Variants in MCHR2 observed in about 807,000 individuals in gnomAD.
The protein encoded by MCHR2 is melanin concentrating hormone receptor 2.
Under a neutral mutation model 24.8 loss-of-function variants are expected in MCHR2, and 15 were observed. That is an observed-to-expected ratio of 0.60 (90% CI 0.40 to 0.93). The LOEUF is 0.93. MCHR2 is among the 40% of genes least tolerant of loss of function. The pLI, the probability that MCHR2 is intolerant of heterozygous loss-of-function variation, is 0.00. For synonymous variants in MCHR2, 151 were observed against 147.6 expected (o/e 1.02, Z -0.17); for missense variants, 386 against 408.7 (o/e 0.94, Z 0.48).
At chr6:99,969,881 G>C (rs1335655876) in intron 1 of MCHR2, among the ~76,000 whole-genome samples, 2 of 151,522 alleles carry the variant, frequency 1.3e-5, no homozygotes, top group African/African-American at 4.8e-5. Flanking sequence ...TCCCTACAAA[G>C]GACATGAACT....
rs139619654 is a variant in MCHR2, at chr6:99,942,999, G to A, written c.537C>T (p.Asp179=). The A allele has an allele frequency of 4.4e-4, 702 of 1,612,820 alleles. 6 individuals are homozygous for A. The African/African-American group carries it at 7.4e-3, about 17-fold the overall frequency. ...WVYSKVIKFK[D]GVESCAFDLT... ...AATCAAAAGCACAACTCTCAACACC[G>A]TCTTTAAATTTGATGACCTTCGAGT... Residue 179 remains aspartate, a synonymous_variant, in exon 4 of 6, where the codon GAC becomes GAT. Transcript: ENST00000281806.
intron 5 of MCHR2, among the ~76,000 whole-genome samples, chr6:99,925,553 G>A (rs1774333337): frequency 6.6e-6 from 1 of 150,882 alleles, no homozygotes; most frequent in Non-Finnish European, 1.5e-5. Flanking sequence ...TTTATTTTTT[G>A]TTTATCCATT....
chr6:99,920,325 A>G lies in MCHR2; in HGVS notation c.*615T>C, dbSNP rs527590751. ...GCTCTTAGATAGCTGTTGCAGCATT[A>G]GGCCTATCATTTCTCCTTTCTGAGC... On this transcript the variant is annotated 3_prime_UTR_variant, in exon 6 of 6. Coordinates refer to ENST00000281806, the MANE Select transcript of MCHR2 (RefSeq NM_001040179.2). The G allele has an allele frequency of 6.6e-6, 1 of 152,562 alleles. No individual in the cohort carries two copies. Among genetic ancestry groups the G allele is most frequent in the Non-Finnish European group, 1.5e-5 (1 of 68,222 alleles). The allele number at this position is 152,562 out of a possible 1,614,324, so 9.5% of individuals were successfully genotyped here. A position where few individuals can be genotyped will look rare whatever the true frequency, so the allele number is the denominator to read the frequency against.
intron 4 of MCHR2, among the ~76,000 whole-genome samples, chr6:99,941,252 T>TA: frequency 6.6e-6 from 1 of 150,840 alleles, no homozygotes; most frequent in Non-Finnish European, 1.5e-5. Context: ...TTTTTTTTTT[T>TA]TTTTCACTTC....
chr6:99,993,021 C>T (rs1775914780), intron 1 of MCHR2, among the ~76,000 whole-genome samples: 1 of 152,094 alleles, frequency 6.6e-6, no homozygotes, highest in Non-Finnish European at 1.5e-5. Context: ...AGATTGCCTC[C>T]CCATTTGCGC....
At chr6:99,932,263 C>T (rs1199828028) in intron 5 of MCHR2, among the ~76,000 whole-genome samples, 2 of 152,046 alleles carry the variant, frequency 1.3e-5, no homozygotes, top group Non-Finnish European at 2.9e-5. Flanking sequence ...AATTATGACT[C>T]AATGTGTGAA....
chr6:99,932,941 T>G (rs149566755), intron 5 of MCHR2, among the ~76,000 whole-genome samples: 2 of 152,286 alleles, frequency 1.3e-5, no homozygotes, highest in Non-Finnish European at 2.9e-5. Flanking sequence ...ATGTAAGATG[T>G]TAACAATGGG....
At chr6:99,972,203 G>T (rs994646555) in intron 1 of MCHR2, among the ~76,000 whole-genome samples, 2 of 152,094 alleles carry the variant, frequency 1.3e-5, no homozygotes, top group Non-Finnish European at 2.9e-5. Context: ...GACTCTTTTT[G>T]GTTGGTAAGC....
At chr6:99,928,656 T>C (rs1226197165) in intron 5 of MCHR2, among the ~76,000 whole-genome samples, 1 of 152,206 alleles carries the variant, frequency 6.6e-6, no homozygotes, top group Non-Finnish European at 1.5e-5. Flanking sequence ...TGATGGTAGT[T>C]TGTATTTCTG....
intron 5 of MCHR2, among the ~76,000 whole-genome samples, chr6:99,923,593 A>G (rs539853447): frequency 1.3e-5 from 2 of 151,930 alleles, no homozygotes; most frequent in Non-Finnish European, 2.9e-5. Flanking sequence ...TAAGGTTTTT[A>G]TCATAAAGAG....
intron 1 of MCHR2, among the ~76,000 whole-genome samples, chr6:99,991,761 C>A (rs1163700152): frequency 1.5e-5 from 2 of 131,634 alleles, no homozygotes; most frequent in Admixed American, 9.4e-5. Context: ...GAGCAGAGAC[C>A]GCGCGACACT....
chr6:99,941,445 A>G (rs1017527378), intron 4 of MCHR2, among the ~76,000 whole-genome samples: 1 of 152,054 alleles, frequency 6.6e-6, no homozygotes, highest in Admixed American at 6.6e-5. Flanking sequence ...GTGCAGTCCT[A>G]TCTATGTTGC....
At chr6:99,950,443 T>C (rs1158557025) in intron 2 of MCHR2, among the ~76,000 whole-genome samples, 2 of 152,124 alleles carry the variant, frequency 1.3e-5, no homozygotes, top group Non-Finnish European at 2.9e-5. Flanking sequence ...AGACTTGTGA[T>C]AATTTTGGCT....
chr6:99,922,061 A>G (rs1225796978), intron 5 of MCHR2, among the ~76,000 whole-genome samples: 4 of 150,724 alleles, frequency 2.7e-5, no homozygotes, highest in Non-Finnish European at 5.9e-5. Flanking sequence ...AATCTTGGCA[A>G]TTTATATAGC....
chr6:99,969,426 A>T (rs1009811063), intron 1 of MCHR2, among the ~76,000 whole-genome samples: 3 of 141,116 alleles, frequency 2.1e-5, no homozygotes, highest in African/African-American at 8.0e-5. Flanking sequence ...GTGAGCCAAG[A>T]TCATGCCATT....
At chr6:99,974,277 C>T (rs183200371) in intron 1 of MCHR2, among the ~76,000 whole-genome samples, 1 of 152,204 alleles carries the variant, frequency 6.6e-6, no homozygotes, top group African/African-American at 2.4e-5. Context: ...TCTTTTTTCT[C>T]CAAACTTCCC....
At chr6:99,942,746 AT>A (rs1226088376) in intron 4 of MCHR2, among the ~76,000 whole-genome samples, 2 of 152,106 alleles carry the variant, frequency 1.3e-5, no homozygotes, top group Non-Finnish European at 2.9e-5. Flanking sequence ...ACATGATTGA[AT>A]TCAAAATCTT....
chr6:99,978,192 TCTTA>T (rs1422016693), intron 1 of MCHR2, among the ~76,000 whole-genome samples: 4 of 152,302 alleles, frequency 2.6e-5, no homozygotes, highest in Non-Finnish European at 5.9e-5. Flanking sequence ...ATGCCCCACC[TCTTA>T]CTTACCTGAC....
chr6:99,921,464 T>C (rs1457531087), intron 5 of MCHR2, among the ~76,000 whole-genome samples: 2 of 152,174 alleles, frequency 1.3e-5, no homozygotes, highest in African/African-American at 2.4e-5. Flanking sequence ...GGAACTTTTT[T>C]TCGTTGTTGT....
Sources: allele counts gnomAD v4.1 joint callset (sites outside exome capture counted in the v4.1 genomes callset), GRCh38; gene constraint gnomAD v4.1.1; transcripts MANE v1.5; gene names NCBI Gene and HGNC (gene_info 2026-07-23, HGNC 2026-07-21).